Variants in BCAS3 observed in about 807,000 individuals in gnomAD.
BCAS3 encodes the protein BCAS4/BCAS3 fusion.
A neutral mutation model predicts 116.1 loss-of-function variants in BCAS3; 53 were observed. The observed-to-expected ratio is 0.46, with a 90% CI of 0.37 to 0.57. BCAS3 has a LOEUF of 0.57. Among genes scored for constraint, BCAS3 ranks in the 20% least tolerant of loss-of-function variants. BCAS3 has a pLI of 0.00. For missense variants in BCAS3, 917 were observed against 1,165.4 expected, an observed-to-expected ratio of 0.79 and a Z score of 3.10; for synonymous variants, 391 against 408.2, an observed-to-expected ratio of 0.96 and a Z score of 0.51.
At chr17:61,267,314 T>C (rs995048947) in intron 22 of BCAS3, among the ~76,000 whole-genome samples, 8 of 152,082 alleles carry the variant, frequency 5.3e-5, no homozygotes, top group Non-Finnish European at 1.0e-4. Flanking sequence ...CCCTCGGCCT[T>C]CCAAAGTGCT....
At chr17:61,298,035 T>A (rs1287175254) in intron 22 of BCAS3, among the ~76,000 whole-genome samples, 1 of 152,144 alleles carries the variant, frequency 6.6e-6, no homozygotes, top group African/African-American at 2.4e-5. Context: ...GTCATAGGTT[T>A]CTCTCTGGAC....
chr17:61,062,490 A>G (rs1449418528), intron 19 of BCAS3, among the ~76,000 whole-genome samples: 3 of 152,186 alleles, frequency 2.0e-5, no homozygotes, highest in African/African-American at 7.2e-5. Context: ...TTTTCCAGCT[A>G]TCCTACTGTT....
At chr17:60,690,015 C>A (rs2034601954) in intron 4 of BCAS3, among the ~76,000 whole-genome samples, 1 of 152,038 alleles carries the variant, frequency 6.6e-6, no homozygotes, top group Admixed American at 6.6e-5. Context: ...TTTTCTTAGG[C>A]AGAAAAATGG....
At chr17:61,127,898 G>GA (rs1402072361) in intron 22 of BCAS3, among the ~76,000 whole-genome samples, 1 of 151,592 alleles carries the variant, frequency 6.6e-6, no homozygotes, top group Admixed American at 6.6e-5. Flanking sequence ...GCTTCTGTGT[G>GA]AAAAAAGAAA....
chr17:60,977,247 A>G (rs897695759), intron 14 of BCAS3, among the ~76,000 whole-genome samples: 31 of 152,238 alleles, frequency 2.0e-4, no homozygotes, highest in African/African-American at 7.5e-4. Context: ...TGGCTCAATC[A>G]TAGCTCACTG....
intron 22 of BCAS3, chr17:61,245,222 G>C (rs566048464): frequency 6.6e-6 from 1 of 152,048 alleles, no homozygotes; most frequent in South Asian, 2.1e-4. Context: ...ATCAGATCTC[G>C]TGAGAACCAA....
intron 19 of BCAS3, among the ~76,000 whole-genome samples, chr17:61,044,090 A>T (rs540823383): frequency 1.3e-5 from 2 of 152,084 alleles, no homozygotes; most frequent in South Asian, 4.2e-4. Context: ...TTTGATGTTT[A>T]ATATTAAAGC....
At chr17:60,678,734 A>G (rs57982579) in intron 1 of BCAS3, among the ~76,000 whole-genome samples, 21,094 of 152,170 alleles carry the variant, frequency 0.14, 4,300 homozygotes, top group African/African-American at 0.45. Flanking sequence ...AGGTAGAGTG[A>G]TATCATGTCA....
chr17:60,926,583 T>A (rs1009409146), intron 13 of BCAS3, among the ~76,000 whole-genome samples: 1 of 152,152 alleles, frequency 6.6e-6, no homozygotes, highest in Non-Finnish European at 1.5e-5. Context: ...CTGTGAGTGT[T>A]GTGGGAATTA....
chr17:61,230,959 C>CTTTT (rs763299746), intron 22 of BCAS3, among the ~76,000 whole-genome samples: 3 of 121,854 alleles, frequency 2.5e-5, no homozygotes, highest in African/African-American at 3.2e-5. Context: ...TAGTTTTTGC[C>CTTTT]TTTTTTTTTT....
In BCAS3 at chr17:61,355,213, A is replaced by G. The variant is rs554069545; in HGVS notation, c.2426-13114A>G. On this transcript the variant is annotated intron_variant, in intron 22 of 23. Transcript: ENST00000407086. This position sits in a 1 kb window ranked among gnomAD's most constrained non-coding sequence, Gnocchi z 4.2. ...TGTCTGTGTGTATATTGGGTTTCAC[A>G]TCTGAAATCCAGTCATGATAAATCT... 41 of 152,372 alleles carry G rather than the reference A, an allele frequency of 2.7e-4. No individual in the cohort carries two copies. Among genetic ancestry groups the G allele is most frequent in the African/African-American group, 9.4e-4 (39 of 41,586 alleles). 9.4% of individuals were successfully genotyped at this position (152,372 alleles called of 1,614,324 possible).
At chr17:60,716,153 G>T (rs956656282) in intron 5 of BCAS3, among the ~76,000 whole-genome samples, 4 of 152,136 alleles carry the variant, frequency 2.6e-5, no homozygotes, top group African/African-American at 9.7e-5. Context: ...GAGCCACCGC[G>T]CACAGCCACG....
intron 23 of BCAS3, among the ~76,000 whole-genome samples, chr17:61,372,134 T>C (rs916539115): frequency 6.6e-6 from 1 of 152,192 alleles, no homozygotes; most frequent in Non-Finnish European, 1.5e-5. Flanking sequence ...ATTATTCCAA[T>C]TGGTGCCTCT....
intron 7 of BCAS3, among the ~76,000 whole-genome samples, chr17:60,830,280 C>T (rs1486023411): frequency 6.6e-6 from 1 of 152,190 alleles, no homozygotes; most frequent in Non-Finnish European, 1.5e-5. Flanking sequence ...TGAGCCACTG[C>T]GCCCAGCCTG....
At chr17:60,926,015 T>C (rs1254958593) in intron 13 of BCAS3, among the ~76,000 whole-genome samples, 2 of 152,218 alleles carry the variant, frequency 1.3e-5, no homozygotes, top group Non-Finnish European at 2.9e-5. Flanking sequence ...AACATAGTTT[T>C]GACTCCGTTT....
intron 8 of BCAS3, among the ~76,000 whole-genome samples, chr17:60,874,363 T>G (rs2055397897): frequency 6.6e-6 from 1 of 152,236 alleles, no homozygotes; most frequent in South Asian, 2.1e-4. Flanking sequence ...TGAGCCACCA[T>G]GCCTGGCTGA....
intron 22 of BCAS3, among the ~76,000 whole-genome samples, chr17:61,184,062 A>G (rs2079627806): frequency 6.6e-6 from 1 of 152,190 alleles, no homozygotes; most frequent in Non-Finnish European, 1.5e-5. Context: ...TCAATTGAGG[A>G]GACATTGGCA....
chr17:60,850,345 GTTTTTTTTTTTTTTTTTT>G (rs10573405), intron 7 of BCAS3, among the ~76,000 whole-genome samples: 1 of 37,734 alleles, frequency 2.7e-5, no homozygotes, highest in East Asian at 6.3e-4. Context: ...TGGCACCACT[GTTTTTTTTTTTTTTTTTT>G]TTTTTTTTTT....
At position 61,339,421 on chromosome 17, in the gene BCAS3, C is replaced by T. The variant is rs2056976683; in HGVS notation, c.2426-28906C>T. Among the ~76,000 whole-genome samples, 4 of 152,186 alleles carry T rather than the reference C, an allele frequency of 2.6e-5. No individual in the cohort carries two copies. ...TAGCATTTCCCTTGGCATTCTATTC[C>T]TTTCTTGACCAGACCAAGGCTTTGC... On this transcript the variant is annotated intron_variant, in intron 22 of 23. Transcript: ENST00000407086. This position sits in a 1 kb window ranked among gnomAD's most constrained non-coding sequence, Gnocchi z 4.4.
Sources: allele counts gnomAD v4.1 joint callset (sites outside exome capture counted in the v4.1 genomes callset), GRCh38; gene constraint gnomAD v4.1.1; non-coding constraint Gnocchi (gnomAD v3.1); transcripts MANE v1.5; gene names NCBI Gene and HGNC (gene_info 2026-07-23, HGNC 2026-07-21).